KCNN2: variants seen among roughly 807,000 people sequenced by gnomAD.
KCNN2 encodes potassium calcium-activated channel subfamily N member 2.
In KCNN2, 24 loss-of-function variants were observed where a neutral mutation model predicts 55.5. The observed-to-expected ratio is 0.43, with a 90% CI of 0.31 to 0.61. The LOEUF is 0.61. Ranked by LOEUF, KCNN2 falls within the 20% of genes least tolerant of loss-of-function variation. The pLI is 0.08. For synonymous variants in KCNN2, 431 were observed against 336.1 expected (o/e 1.28, Z -3.09); for missense variants, 754 against 853.6 (o/e 0.88, Z 1.45).
chr5:114,178,541 C>G (rs1753180239), intron 1 of KCNN2, among the ~76,000 whole-genome samples: 1 of 152,212 alleles, frequency 6.6e-6, no homozygotes, highest in Admixed American at 6.5e-5. Context: ...CCCATTCCCT[C>G]TCCAAAGCCT....
At chr5:114,377,483 C>T (rs1757980221) in intron 2 of KCNN2, among the ~76,000 whole-genome samples, 1 of 152,168 alleles carries the variant, frequency 6.6e-6, no homozygotes, top group South Asian at 2.1e-4. Flanking sequence ...TTGTGAAAAG[C>T]AGAAGAGCTG....
At chr5:114,096,787 T>C (rs1380415780) in intron 1 of KCNN2, among the ~76,000 whole-genome samples, 1 of 152,180 alleles carries the variant, frequency 6.6e-6, no homozygotes, top group Non-Finnish European at 1.5e-5. Context: ...ACCATCCTAA[T>C]TGACAACCAT....
intron 4 of KCNN2, among the ~76,000 whole-genome samples, chr5:114,463,719 G>T (rs889327480): frequency 1.8e-4 from 28 of 152,310 alleles, no homozygotes; most frequent in Middle Eastern, 3.4e-3. Flanking sequence ...TACAAGGGAA[G>T]ACTTGCATTT....
intron 1 of KCNN2, among the ~76,000 whole-genome samples, chr5:114,177,091 A>T (rs1217471864): frequency 1.3e-5 from 2 of 152,046 alleles, no homozygotes; most frequent in African/African-American, 4.8e-5. Context: ...AAATTATTAA[A>T]TATAAGATAT....
chr5:114,468,867 A>C (rs1761573967), intron 4 of KCNN2, among the ~76,000 whole-genome samples: 1 of 152,184 alleles, frequency 6.6e-6, no homozygotes, highest in African/African-American at 2.4e-5. Context: ...ATGGTTTTTC[A>C]AAATGATTCT....
intron 1 of KCNN2, among the ~76,000 whole-genome samples, chr5:114,191,965 A>G (rs1753459290): frequency 6.6e-6 from 1 of 152,144 alleles, no homozygotes; most frequent in Non-Finnish European, 1.5e-5. Flanking sequence ...CTCACATTTA[A>G]CTAAGTTCAC....
intron 1 of KCNN2, among the ~76,000 whole-genome samples, chr5:114,179,139 T>C (rs1753189726): frequency 6.6e-6 from 1 of 152,234 alleles, no homozygotes; most frequent in South Asian, 2.1e-4. Flanking sequence ...TATCTCACAG[T>C]TCTTGATGGT....
At chr5:114,207,235 A>C (rs916821573) in intron 1 of KCNN2, among the ~76,000 whole-genome samples, 1 of 152,236 alleles carries the variant, frequency 6.6e-6, no homozygotes, top group African/African-American at 2.4e-5. Flanking sequence ...AGAAAACTTC[A>C]TGTTGTTCAT....
intron 1 of KCNN2, among the ~76,000 whole-genome samples, chr5:114,083,421 A>G (rs1016602160): frequency 6.6e-6 from 1 of 152,046 alleles, no homozygotes; most frequent in Non-Finnish European, 1.5e-5. Flanking sequence ...CGTTAGTTGA[A>G]TCTCAAAAGT....
intron 1 of KCNN2, among the ~76,000 whole-genome samples, chr5:114,081,314 A>G (rs1378010842): frequency 6.6e-6 from 1 of 152,162 alleles, no homozygotes; most frequent in Non-Finnish European, 1.5e-5. Flanking sequence ...ATGGAATCTC[A>G]AGGCATCCCT....
rs1443988180 is a variant in KCNN2 at position 114,070,356 on chromosome 5, G to A, written c.-271+13856G>A. The stretch of plus-strand genomic sequence containing the variant: ...CAACTAGCATGTTTTTGATGTTTCA[G>A]CTACACTCCATTACTTAATATTTTT... On this transcript the variant is annotated intron_variant, in intron 1 of 10. Coordinates refer to the KCNN2 transcript ENST00000512097. 2.0e-5 allele frequency among the ~76,000 whole-genome samples: 3 copies of A among 152,282 alleles called. No homozygotes were observed. The South Asian group carries it at 6.2e-4, about 32-fold the overall frequency.
At chr5:114,157,027 T>A (rs56034654) in intron 1 of KCNN2, among the ~76,000 whole-genome samples, 1 of 151,940 alleles carries the variant, frequency 6.6e-6, no homozygotes, top group African/African-American at 2.4e-5. Flanking sequence ...TATTATACTT[T>A]AAGTTTTAGG....
intron 1 of KCNN2, among the ~76,000 whole-genome samples, chr5:114,217,084 C>A (rs769301568): frequency 6.6e-6 from 1 of 151,906 alleles, no homozygotes; most frequent in Non-Finnish European, 1.5e-5. Context: ...AGGAAAGCTA[C>A]AAAACTTTGA....
chr5:114,127,900 G>T (rs1477713895), intron 1 of KCNN2, among the ~76,000 whole-genome samples: 2 of 152,128 alleles, frequency 1.3e-5, no homozygotes, highest in African/African-American at 4.8e-5. Context: ...CTGAAACACA[G>T]CAAGAGTCAC....
At chr5:114,208,533 T>C (rs913708082) in intron 1 of KCNN2, among the ~76,000 whole-genome samples, 1 of 152,168 alleles carries the variant, frequency 6.6e-6, no homozygotes, top group Non-Finnish European at 1.5e-5. Context: ...TTTAGAACAG[T>C]AGATCTCAAC....
chr5:114,229,004 ATTAAC>A (rs1754302111), intron 2 of KCNN2, among the ~76,000 whole-genome samples: 1 of 152,054 alleles, frequency 6.6e-6, no homozygotes. Flanking sequence ...TCAAAGAGAA[ATTAAC>A]TTAATTTGCT....
chr5:114,208,508 A>G (rs1353459152), intron 1 of KCNN2, among the ~76,000 whole-genome samples: 1 of 152,132 alleles, frequency 6.6e-6, no homozygotes, highest in East Asian at 1.9e-4. Context: ...TAGTGTATCT[A>G]TCAACCCATC....
At chr5:114,157,463 C>T (rs1303681230) in intron 1 of KCNN2, among the ~76,000 whole-genome samples, 1 of 152,134 alleles carries the variant, frequency 6.6e-6, no homozygotes, top group South Asian at 2.1e-4. Context: ...CCGCAATAAA[C>T]ATACATGTGC....
intron 1 of KCNN2, among the ~76,000 whole-genome samples, chr5:114,109,246 T>A (rs548153146): frequency 6.6e-6 from 1 of 152,130 alleles, no homozygotes; most frequent in Non-Finnish European, 1.5e-5. Context: ...TTATTTGCCA[T>A]GTAGCTTTCT....
Sources: gnomAD v4.1 joint callset for allele counts (sites outside exome capture counted in the v4.1 genomes callset) on GRCh38, gnomAD v4.1.1 for gene constraint, MANE v1.5 for transcripts, NCBI Gene and HGNC (gene_info 2026-07-23, HGNC 2026-07-21) for gene names.